The following TUBGCP5 variants were observed in gnomAD, a reference collection of about 807,000 sequenced individuals.
The protein encoded by TUBGCP5 is gamma-tubulin complex component 5.
In TUBGCP5, 98 loss-of-function variants were observed where a neutral mutation model predicts 134.7. That is an observed-to-expected ratio of 0.73 (90% CI 0.62 to 0.86). The LOEUF is 0.86. Ranked by LOEUF, TUBGCP5 falls within the 40% of genes least tolerant of loss-of-function variation. The probability of loss-of-function intolerance (pLI) is 0.00; values close to 1 mark genes in which losing one functional copy is unlikely to be tolerated. For missense variants in TUBGCP5, 1,150 were observed against 1,244.8 expected (o/e 0.92, Z 1.15); for synonymous variants, 456 against 431.4 (o/e 1.06, Z -0.71).
chr15:22,985,566 A>G (rs1037452430), intron 23 of TUBGCP5, among the ~76,000 whole-genome samples: 3 of 152,180 alleles, frequency 2.0e-5, no homozygotes, highest in Non-Finnish European at 1.5e-5. Flanking sequence ...AAAAACTAGA[A>G]ACAACCCAAA....
chr15:23,020,004 C>T (rs2065576508), intron 11 of TUBGCP5, among the ~76,000 whole-genome samples: 1 of 151,974 alleles, frequency 6.6e-6, no homozygotes, highest in Admixed American at 6.6e-5. Context: ...ATTGGCTGGG[C>T]ATGGTGGCTC....
chr15:23,021,079 G>A (rs542803399), intron 11 of TUBGCP5, among the ~76,000 whole-genome samples: 2 of 152,224 alleles, frequency 1.3e-5, no homozygotes, highest in African/African-American at 4.8e-5. Context: ...AGTAGAGACG[G>A]GGTTTCACCA....
chr15:22,994,511 A>G (rs1385134836), downstream of TUBGCP5, among the ~76,000 whole-genome samples: 2 of 152,228 alleles, frequency 1.3e-5, no homozygotes, highest in Middle Eastern at 3.2e-3. Flanking sequence ...AGAAAACTCA[A>G]GCAGTTTGAG....
chr15:23,037,344 C>T (rs2066650899), intron 1 of TUBGCP5, among the ~76,000 whole-genome samples, 192 bp from the exon 2 acceptor site: 1 of 152,136 alleles, frequency 6.6e-6, no homozygotes, highest in African/African-American at 2.4e-5. Context: ...TGCAAGCATC[C>T]TTTCTCCAGC....
chr15:23,023,848 CT>C, intron 10 of TUBGCP5, 98 bp downstream of exon 10: 1 of 1,204,796 alleles, frequency 8.3e-7, no homozygotes, highest in Non-Finnish European at 1.1e-6. Context: ...AACTACTTAT[CT>C]GCTAGGCAAC....
At position 23,024,780 on chromosome 15, in the gene TUBGCP5, T is replaced by C; in HGVS notation, c.878A>G (p.Lys293Arg). 2 of 1,596,318 alleles carry C rather than the reference T, an allele frequency of 1.3e-6. No individual in the cohort carries two copies. The highest frequency in any genetic ancestry group is 1.7e-5 in the Admixed American group (1 of 58,330). ...TATAATATTGTTTCTCACAGTTACC[T>C]TCCCATCTATCAACTGAAATATAAA... ...KLFIFQLIDG[K>R]VTVRNNIIVT... Residue 293 changes from lysine (K) to arginine (R), a missense_variant, in exon 9 of 23, where the codon AAG (lysine) becomes AGG (arginine). Transcript: ENST00000615383.
intron 12 of TUBGCP5, among the ~76,000 whole-genome samples, chr15:23,018,712 T>A (rs2140519797): frequency 6.6e-6 from 1 of 152,314 alleles, no homozygotes; most frequent in South Asian, 2.1e-4. Context: ...ATTGTTTATA[T>A]GATTCTATTC....
chr15:23,021,911 C>A, intron 11 of TUBGCP5, 48 bp downstream of exon 11: 1 of 1,558,404 alleles, frequency 6.4e-7, no homozygotes, highest in Non-Finnish European at 8.9e-7. Flanking sequence ...TATCACTCCT[C>A]TGCTGTGCAG....
chr15:22,998,955 C>A (rs2064220398), downstream of TUBGCP5, among the ~76,000 whole-genome samples: 1 of 152,018 alleles, frequency 6.6e-6, no homozygotes, highest in African/African-American at 2.4e-5. Flanking sequence ...GAGATGGGGT[C>A]TCATATGTTG....
chr15:23,027,251 T>C lies in TUBGCP5; in HGVS notation c.678A>G (p.Thr226=). The change falls in exon 7 of 23, where the codon ACA becomes ACG. Residue 226 remains threonine (T), a synonymous_variant. Coordinates refer to ENST00000615383, the MANE Select transcript of TUBGCP5 (RefSeq NM_052903.6). ...TATGAGGAAACTGGGAGGGCCTGGCTGTCCAGTACTGATGGACCACATGAT... is the reference window on the plus strand; with the variant it reads ...TATGAGGAAACTGGGAGGGCCTGGCCGTCCAGTACTGATGGACCACATGAT... ...LEHHVVHQYW[T]ARPSQFPHSL... 3.7e-6 allele frequency: 6 copies of C among 1,614,070 alleles called. No homozygotes were observed. Among genetic ancestry groups the C allele is most frequent in the Non-Finnish European group, 5.1e-6 (6 of 1,179,980 alleles).
At chr15:23,007,628 G>A (rs1003890471) in intron 16 of TUBGCP5, among the ~76,000 whole-genome samples, 1 of 152,174 alleles carries the variant, frequency 6.6e-6, no homozygotes, top group African/African-American at 2.4e-5. Flanking sequence ...AGGGGGGCGG[G>A]AGGACAGCAC....
In TUBGCP5 at chr15:23,005,380, A is replaced by G. The variant is rs1295035481; in HGVS notation, c.2712+52T>C. The stretch of plus-strand genomic sequence containing the variant: ...ACATAGTATGAGTAATTCTCTACGA[A>G]CAACTGTATAGATACGACGATAGAA... On this transcript the variant is annotated intron_variant, in intron 19 of 22. Coordinates refer to ENST00000615383, the MANE Select transcript of TUBGCP5 (RefSeq NM_052903.6). 2.6e-6 allele frequency: 4 copies of G among 1,563,206 alleles called. No homozygotes were observed. In the African/African-American group the frequency reaches 4.1e-5, roughly 16 times the overall value.
chr15:23,000,450 T>A (rs917751658), intron 22 of TUBGCP5, 119 bp downstream of exon 22: 2 of 1,492,528 alleles, frequency 1.3e-6, no homozygotes, highest in East Asian at 4.7e-5. Flanking sequence ...AAGGGACTTT[T>A]CAGTTTTGAA....
At chr15:23,006,017 A>G (rs746002560) in intron 18 of TUBGCP5, 35 bp downstream of exon 18, 28 of 1,565,086 alleles carry the variant, frequency 1.8e-5, no homozygotes, top group Non-Finnish European at 2.4e-5. Flanking sequence ...AAAATTAAAT[A>G]AAATTACAAT....
Position 23,009,496 on chromosome 15 carries a change from C to T in TUBGCP5, c.2144+449G>A, listed in dbSNP as rs180873155. ...TGTTAGCCAGGATGCTCTCGATCTC[C>T]TGATCTCGTGATCCTCCCACCTCAG... is the stretch of plus-strand genomic sequence containing the variant. On this transcript the variant is annotated intron_variant, in intron 15 of 22. Transcript: ENST00000615383. 3.5e-3 allele frequency among the ~76,000 whole-genome samples: 531 copies of T among 152,152 alleles called. 4 individuals carry two copies. Among genetic ancestry groups the T allele is most frequent in the African/African-American group, 0.012 (487 of 41,498 alleles).
intron 8 of TUBGCP5, among the ~76,000 whole-genome samples, chr15:23,025,786 G>C (rs2065949645): frequency 6.7e-6 from 1 of 148,532 alleles, no homozygotes; most frequent in Non-Finnish European, 1.5e-5. Context: ...AGCTGAGATA[G>C]AGCTACTGCA....
At chr15:22,997,921 T>C (rs914352339), downstream of TUBGCP5, among the ~76,000 whole-genome samples, 27 of 152,244 alleles carry the variant, frequency 1.8e-4, no homozygotes, top group African/African-American at 6.5e-4. Flanking sequence ...TGGCCTTTTT[T>C]TTTTTTAAAG....
chr15:23,026,701 G>A (rs1315520507), intron 7 of TUBGCP5, among the ~76,000 whole-genome samples: 1 of 152,148 alleles, frequency 6.6e-6, no homozygotes, highest in Non-Finnish European at 1.5e-5. Context: ...GGGAGGCCGA[G>A]GCAGGTGGAT....
At chr15:23,028,382 A>T (rs1302680868) in intron 6 of TUBGCP5, among the ~76,000 whole-genome samples, 2 of 121,576 alleles carry the variant, frequency 1.6e-5, no homozygotes, top group Non-Finnish European at 3.7e-5. Flanking sequence ...CCGGTCTTAA[A>T]AAAAAAAAAA....
Sources: allele counts gnomAD v4.1 joint callset (sites outside exome capture counted in the v4.1 genomes callset), GRCh38; gene constraint gnomAD v4.1.1; transcripts MANE v1.5; gene names NCBI Gene and HGNC (gene_info 2026-07-23, HGNC 2026-07-21).